LTBP1: variants seen among roughly 807,000 people sequenced by gnomAD.
LTBP1 encodes the protein latent transforming growth factor beta binding protein 1.
A neutral mutation model predicts 207.6 loss-of-function variants in LTBP1; 129 were observed. That is an observed-to-expected ratio of 0.62 (90% confidence interval 0.54 to 0.72). The LOEUF is 0.72. Ranked by LOEUF, LTBP1 falls within the 30% of genes least tolerant of loss-of-function variation. LTBP1 has a pLI of 0.00. For missense variants in LTBP1, 2,281 were observed against 2,217.2 expected, an observed-to-expected ratio of 1.03 and a Z score of -0.58; for synonymous variants, 963 against 833.7, an observed-to-expected ratio of 1.16 and a Z score of -2.67.
At chr2:33,156,591 G>A (rs1295656062) in intron 5 of LTBP1, among the ~76,000 whole-genome samples, 1 of 152,152 alleles carries the variant, frequency 6.6e-6, no homozygotes, top group Non-Finnish European at 1.5e-5. Context: ...GTGATCTGCA[G>A]AATAATGTCC....
At chr2:33,294,618 G>A (rs530284353) in intron 20 of LTBP1, among the ~76,000 whole-genome samples, 16 of 130,652 alleles carry the variant, frequency 1.2e-4, no homozygotes, top group Admixed American at 7.7e-4. Context: ...TTGCTCTGTC[G>A]CCCAGGCTAG....
At chr2:33,010,257 G>A (rs219183) in intron 2 of LTBP1, among the ~76,000 whole-genome samples, 46,325 of 152,098 alleles carry the variant, frequency 0.3, 8,110 homozygotes, top group Non-Finnish European at 0.39. Flanking sequence ...AAGCGGAAAA[G>A]TGGATGCACA....
rs544737190 is a variant in LTBP1, at chr2:33,323,919, T to C, written c.3730+8650T>C. On this transcript the variant is annotated intron_variant, in intron 24 of 33. Transcript: ENST00000404816. Reference sequence around the variant, plus strand: ...AAGAAGTTATGCTGGTGAGTTTGGCTACATGGGCTTGAACTCTTGTTCCAG... The same window carrying C: ...AAGAAGTTATGCTGGTGAGTTTGGCCACATGGGCTTGAACTCTTGTTCCAG... Among the ~76,000 whole-genome samples, 4 of 152,336 alleles carry C rather than the reference T, an allele frequency of 2.6e-5. No individual in the cohort carries two copies. In the East Asian group the frequency reaches 7.7e-4, roughly 29 times the overall value.
intron 3 of LTBP1, among the ~76,000 whole-genome samples, chr2:33,025,915 G>A (rs142858812): frequency 1.5e-3 from 223 of 152,148 alleles, no homozygotes; most frequent in African/African-American, 5.2e-3. Flanking sequence ...TCCTGAGTGT[G>A]GTCCTGAGTC....
At chr2:32,976,203 C>A (rs1298913241) in intron 2 of LTBP1, among the ~76,000 whole-genome samples, 1 of 152,184 alleles carries the variant, frequency 6.6e-6, no homozygotes, top group Admixed American at 6.5e-5. Context: ...GGGCCCCCAG[C>A]TTTGTTCCTT....
Position 33,057,873 on chromosome 2 carries a change from C to T in LTBP1, c.863+36667C>T, listed in dbSNP as rs186912083. On this transcript the variant is annotated intron_variant, in intron 3 of 33. Coordinates refer to ENST00000404816, the MANE Select transcript of LTBP1 (RefSeq NM_206943.4). ...CCTCGGCCAGCCCAGAGAATGGCTC[C>T]CATGGTGCAGCGGCGGGCTGAAGGG... Among the ~76,000 whole-genome samples, 208 of 152,372 alleles carry T rather than the reference C, an allele frequency of 1.4e-3. 2 individuals are homozygous for T. The highest frequency in any genetic ancestry group is 4.3e-3 in the African/African-American group (180 of 41,594).
intron 5 of LTBP1, among the ~76,000 whole-genome samples, chr2:33,154,103 C>T (rs1008149660): frequency 6.6e-6 from 1 of 152,166 alleles, no homozygotes; most frequent in Admixed American, 6.5e-5. Context: ...TGTCAAGAAT[C>T]TCTTTATTAA....
intron 9 of LTBP1, among the ~76,000 whole-genome samples, chr2:33,241,100 A>T (rs2092307236): frequency 6.6e-6 from 1 of 152,218 alleles, no homozygotes; most frequent in South Asian, 2.1e-4. Flanking sequence ...GTAGTAGCTC[A>T]GGAAATATAA....
At chr2:33,245,223 G>T (rs114388694) in intron 10 of LTBP1, among the ~76,000 whole-genome samples, 4,057 of 152,166 alleles carry the variant, frequency 0.027, 200 homozygotes, top group African/African-American at 0.092. Context: ...ATAATGAGCT[G>T]CATCTTTCTT....
rs571611200 is a variant in LTBP1, at chr2:33,026,195, C to T, written c.863+4989C>T. 5.9e-5 allele frequency among the ~76,000 whole-genome samples: 9 copies of T among 152,216 alleles called. No homozygotes were observed. The South Asian group carries it at 1.2e-3, about 21-fold the overall frequency. On this transcript the variant is annotated intron_variant, in intron 3 of 33. Transcript: ENST00000404816. Reference sequence around the variant, plus strand: ...TCCAAGGAATTGGTCAGTAGTCAAACGGATGATTTCCTTAAACGATCTCTC... The same window carrying T: ...TCCAAGGAATTGGTCAGTAGTCAAATGGATGATTTCCTTAAACGATCTCTC...
chr2:33,198,453 G>A (rs1254590582), intron 7 of LTBP1, among the ~76,000 whole-genome samples: 3 of 152,136 alleles, frequency 2.0e-5, no homozygotes, highest in Non-Finnish European at 4.4e-5. Context: ...CTATTGACTG[G>A]AATAGTTTCA....
chr2:33,333,628 C>G (rs1005600529), intron 24 of LTBP1, among the ~76,000 whole-genome samples: 1 of 152,102 alleles, frequency 6.6e-6, no homozygotes, highest in Non-Finnish European at 1.5e-5. Context: ...ACACTATTTG[C>G]TGACATGGTA....
At chr2:33,138,633 C>G (rs934375181) in intron 5 of LTBP1, among the ~76,000 whole-genome samples, 2 of 151,986 alleles carry the variant, frequency 1.3e-5, no homozygotes, top group Non-Finnish European at 2.9e-5. Flanking sequence ...GCCTTAAGTT[C>G]CTCTGACAAG....
chr2:32,964,245 T>G (rs895117753), intron 2 of LTBP1, among the ~76,000 whole-genome samples: 2 of 152,186 alleles, frequency 1.3e-5, no homozygotes, highest in African/African-American at 4.8e-5. Context: ...TTATTAGATG[T>G]GTATTTAGGA....
In LTBP1 at chr2:32,947,599, G is replaced by A. The variant is rs985929702; in HGVS notation, c.275G>A (p.Gly92Asp). The A allele has an allele frequency of 3.2e-4, 425 of 1,311,926 alleles. No individual in the cohort carries two copies. The highest frequency in any genetic ancestry group is 4.0e-4 in the Non-Finnish European group (412 of 1,035,332). The allele number at this position is 1,311,926 out of a possible 1,614,324, so 81.3% of individuals were successfully genotyped here. Residue 92 changes from glycine (G) to aspartate (D), a missense_variant, in exon 1 of 34, where the codon GGC becomes GAC. Physicochemically the swap from Gly to Asp is moderately conservative, Grantham distance 94. Around this residue, in one of 3 missense-constraint regions of LTBP1, gnomAD observed 555 missense variants for 491.0 expected, o/e 1.13. Transcript: ENST00000404816. ...ERTRRTSKPGGAALQGLRPPP... is the reference protein window; with the variant it reads ...ERTRRTSKPGDAALQGLRPPP... The stretch of plus-strand genomic sequence containing the variant: ...ACCCGGCGCACGAGCAAGCCGGGCG[G>A]CGCGGCCCTGCAGGGGCTCAGACCG...
intron 24 of LTBP1, among the ~76,000 whole-genome samples, chr2:33,332,574 T>A (rs1345491075): frequency 6.6e-6 from 1 of 151,638 alleles, no homozygotes; most frequent in Non-Finnish European, 1.5e-5. Context: ...TTTTTTTTTT[T>A]TATATGGAGT....
At chr2:33,267,042 C>T (rs2093202311) in intron 15 of LTBP1, among the ~76,000 whole-genome samples, 1 of 152,264 alleles carries the variant, frequency 6.6e-6, no homozygotes, top group Non-Finnish European at 1.5e-5. Context: ...CATCTCCGAG[C>T]TTTCGGGCAG....
chr2:33,018,889 A>G (rs540397216), intron 2 of LTBP1, among the ~76,000 whole-genome samples: 1 of 152,030 alleles, frequency 6.6e-6, no homozygotes, highest in Non-Finnish European at 1.5e-5. Flanking sequence ...CTTTTAGAGA[A>G]TCCTTCCCAA....
chr2:33,231,240 A>T (rs544360075), intron 9 of LTBP1, among the ~76,000 whole-genome samples: 1 of 152,246 alleles, frequency 6.6e-6, no homozygotes, highest in African/African-American at 2.4e-5. Flanking sequence ...AGCTAGCCAC[A>T]TAACTTTCTT....
Sources: gnomAD v4.1 joint callset for allele counts (sites outside exome capture counted in the v4.1 genomes callset) on GRCh38, gnomAD v4.1.1 for gene constraint, gnomAD v4.1.1 regional missense constraint, MANE v1.5 for transcripts, NCBI Gene and HGNC (gene_info 2026-07-23, HGNC 2026-07-21) for gene names.